Variants in MCM5 observed in about 807,000 individuals in gnomAD.
MCM5 encodes DNA replication licensing factor MCM5.
A neutral mutation model predicts 79.9 loss-of-function variants in MCM5; 46 were observed. That is an observed-to-expected ratio of 0.58 (90% confidence interval 0.45 to 0.74). The LOEUF is 0.74. Among genes scored for constraint, MCM5 ranks in the 30% least tolerant of loss-of-function variants. The pLI is 0.00. For synonymous variants in MCM5, 404 were observed against 390.5 expected (o/e 1.03, Z -0.41); for missense variants, 883 against 1,017.0 (o/e 0.87, Z 1.79).
At chr22:35,447,344 T>C in the MCM5 span, among the ~76,000 whole-genome samples, 236 of 152,274 alleles carry the variant, frequency 1.5e-3, 8 homozygotes, top group South Asian at 0.046. Flanking sequence ...TCCTTCTGGG[T>C]TTGAGTGACA....
In MCM5 at chr22:35,424,341, C is replaced by T. The variant is rs113722830; in HGVS notation, c.*86C>T. On this transcript the variant is annotated 3_prime_UTR_variant, in exon 17 of 17. Transcript: ENST00000216122. The stretch of plus-strand genomic sequence containing the variant: ...GCCATTGACAATGTTGCTGGGACCT[C>T]TGCCTCCCCACTGCAGCCCTCGAAC... 5 of 990,262 alleles carry T rather than the reference C, an allele frequency of 5.0e-6. No homozygotes were observed. Among genetic ancestry groups the T allele is most frequent in the African/African-American group, 3.3e-5 (2 of 61,410 alleles). The allele number at this position is 990,262 out of a possible 1,614,324, so 61.3% of individuals were successfully genotyped here. A position where few individuals can be genotyped will look rare whatever the true frequency, so the allele number is the denominator to read the frequency against.
At chr22:35,433,641 GTCCTGCCCCTTCTTGGGGGTGGA>G in the MCM5 span, among the ~76,000 whole-genome samples, 1 of 152,186 alleles carries the variant, frequency 6.6e-6, no homozygotes, top group Admixed American at 6.5e-5. Flanking sequence ...CCACTCTGTC[GTCCTGCCCCTTCTTGGGGGTGGA>G]TCCTGCAGGA....
At chr22:35,403,667 A>G (rs1222462877) in intron 4 of MCM5, 125 bp downstream of exon 4, 1 of 1,212,196 alleles carries the variant, frequency 8.2e-7, no homozygotes, top group Non-Finnish European at 1.1e-6. Flanking sequence ...TCCTGGAGAC[A>G]AAAGGATCGT....
chr22:35,448,408 C>G, the MCM5 span, among the ~76,000 whole-genome samples: 258 of 152,284 alleles, frequency 1.7e-3, 2 homozygotes, highest in African/African-American at 6.0e-3. Flanking sequence ...ACTGCCATCC[C>G]TCCCCTCTTC....
At chr22:35,442,582 C>T in the MCM5 span, among the ~76,000 whole-genome samples, 4 of 152,128 alleles carry the variant, frequency 2.6e-5, no homozygotes, top group Non-Finnish European at 5.9e-5. Context: ...TTGCTTAGCT[C>T]GGGGCCTCTA....
chr22:35,438,926 T>C, the MCM5 span, among the ~76,000 whole-genome samples: 1 of 148,846 alleles, frequency 6.7e-6, no homozygotes, highest in Non-Finnish European at 1.5e-5. Context: ...TATTCATCCA[T>C]CCATCCATCC....
Position 35,416,398 on chromosome 22 carries a change from C to T in MCM5, c.1407C>T (p.Ile469=), listed in dbSNP as rs137919698. Reference sequence around the variant, plus strand: ...CCATGGAGCAGCAGACCATCTCTATCGCCAAGGTGAGTGGCCCTCCATGGA... The same window carrying T: ...CCATGGAGCAGCAGACCATCTCTATTGCCAAGGTGAGTGGCCCTCCATGGA... ...HEAMEQQTIS[I]AKAGITTTLN... The change falls in exon 11 of 17, where the codon ATC becomes ATT. Residue 469 remains isoleucine (I), a synonymous_variant. Transcript: ENST00000216122. The T allele has an allele frequency of 4.3e-6, 7 of 1,612,526 alleles. No individual in the cohort carries two copies. Among genetic ancestry groups the T allele is most frequent in the South Asian group, 3.3e-5 (3 of 91,078 alleles).
chr22:35,444,889 C>T, the MCM5 span, among the ~76,000 whole-genome samples: 2 of 152,118 alleles, frequency 1.3e-5, no homozygotes, highest in Non-Finnish European at 2.9e-5. Flanking sequence ...GCAAAGTTGC[C>T]CACGCATGCT....
At chr22:35,449,014 G>A in the MCM5 span, among the ~76,000 whole-genome samples, 6 of 152,204 alleles carry the variant, frequency 3.9e-5, no homozygotes, top group African/African-American at 9.7e-5. Flanking sequence ...TCAGTGTGGT[G>A]GGAAAGGACA....
At chr22:35,406,296 A>ATC (rs1555903416) in intron 4 of MCM5, among the ~76,000 whole-genome samples, 3 of 120,922 alleles carry the variant, frequency 2.5e-5, no homozygotes, top group African/African-American at 9.7e-5. Flanking sequence ...TTGCCCTGCC[A>ATC]CCTCCCCCCC....
chr22:35,453,403 C>A, the MCM5 span, among the ~76,000 whole-genome samples: 3 of 150,066 alleles, frequency 2.0e-5, no homozygotes, highest in East Asian at 5.9e-4. Flanking sequence ...GAAGGAGACA[C>A]TGACAGAGTG....
the MCM5 span, among the ~76,000 whole-genome samples, chr22:35,442,764 A>AC: frequency 6.6e-6 from 1 of 152,154 alleles, no homozygotes; most frequent in Admixed American, 6.5e-5. Flanking sequence ...TCTCATCTGC[A>AC]CCTTTGCCAT....
intron 13 of MCM5, 62 bp downstream of exon 13, chr22:35,417,918 C>A: frequency 8.7e-7 from 1 of 1,147,000 alleles, no homozygotes; most frequent in Non-Finnish European, 1.3e-6. Context: ...TGGGAGAGAA[C>A]CCAGTCCCCT....
the MCM5 span, among the ~76,000 whole-genome samples, chr22:35,438,182 G>C: frequency 3.3e-5 from 5 of 152,052 alleles, no homozygotes; most frequent in Admixed American, 3.3e-4. Flanking sequence ...CTGCTTGTCT[G>C]ACTTCCATCC....
intron 2 of MCM5, 78 bp from the exon 3 acceptor site, chr22:35,403,129 T>A: frequency 6.4e-7 from 1 of 1,563,118 alleles, no homozygotes; most frequent in Non-Finnish European, 8.7e-7. Flanking sequence ...GATTCAGGGG[T>A]GCAGGCACAC....
At position 35,416,397 on chromosome 22, in the gene MCM5, T is replaced by C. The variant is rs1932540719; in HGVS notation, c.1406T>C (p.Ile469Thr). Residue 469 changes from isoleucine (I) to threonine (T), a missense_variant, in exon 11 of 17, where the codon ATC becomes ACC. Around this residue, in one of 3 missense-constraint regions of MCM5, gnomAD observed 426 missense variants for 482.3 expected, o/e 0.88. Transcript: ENST00000216122. ...HEAMEQQTIS[I>T]AKAGITTTLN... Reference sequence around the variant, plus strand: ...GCCATGGAGCAGCAGACCATCTCTATCGCCAAGGTGAGTGGCCCTCCATGG... The same window carrying C: ...GCCATGGAGCAGCAGACCATCTCTACCGCCAAGGTGAGTGGCCCTCCATGG... 6.2e-7 allele frequency: 1 copy of C among 1,612,398 alleles called. No individual in the cohort carries two copies. The highest frequency in any genetic ancestry group is 1.7e-5 in the Admixed American group (1 of 59,930).
chr22:35,417,498 C>G (rs747591177), intron 12 of MCM5, among the ~76,000 whole-genome samples: 2 of 152,190 alleles, frequency 1.3e-5, no homozygotes, highest in African/African-American at 4.8e-5. Flanking sequence ...GCTGAACCCA[C>G]CCCTTTATGG....
the MCM5 span, among the ~76,000 whole-genome samples, chr22:35,441,426 C>A: frequency 6.6e-6 from 1 of 152,164 alleles, no homozygotes; most frequent in Non-Finnish European, 1.5e-5. Flanking sequence ...CTCTGGGTGC[C>A]CCCCCACCAC....
chr22:35,408,788 T>C (rs1932292770), intron 6 of MCM5, among the ~76,000 whole-genome samples: 1 of 152,208 alleles, frequency 6.6e-6, no homozygotes, highest in Non-Finnish European at 1.5e-5. Context: ...GATGAGGAAA[T>C]GTAACTTGGA....
Sources: gnomAD v4.1 joint callset for allele counts (sites outside exome capture counted in the v4.1 genomes callset) on GRCh38, gnomAD v4.1.1 for gene constraint, gnomAD v4.1.1 regional missense constraint, MANE v1.5 for transcripts, NCBI Gene and HGNC (gene_info 2026-07-23, HGNC 2026-07-21) for gene names.